The following FNDC1 variants were observed in gnomAD, a reference collection of about 807,000 sequenced individuals.
The protein encoded by FNDC1 is fibronectin type III domain-containing protein 1.
Under a neutral mutation model 168.0 loss-of-function variants are expected in FNDC1, and 96 were observed. That is an observed-to-expected ratio of 0.57 (90% CI 0.48 to 0.68). The LOEUF is 0.68. Ranked by LOEUF, FNDC1 falls within the 30% of genes least tolerant of loss-of-function variation. FNDC1 has a pLI of 0.00. For missense variants in FNDC1, 2,587 were observed against 2,482.1 expected, an observed-to-expected ratio of 1.04 and a Z score of -0.90; for synonymous variants, 1,099 against 1,025.9, an observed-to-expected ratio of 1.07 and a Z score of -1.36.
At chr6:159,261,318 A>T in intron 19 of FNDC1, 49 bp downstream of exon 19, 1 of 1,303,686 alleles carries the variant, frequency 7.7e-7, no homozygotes, top group Non-Finnish European at 1.1e-6. Flanking sequence ...GAGAAAATGA[A>T]ATAAATAATC....
intron 2 of FNDC1, 30 bp downstream of exon 2, chr6:159,197,655 C>A: frequency 6.4e-7 from 1 of 1,573,064 alleles, no homozygotes; most frequent in South Asian, 1.2e-5. Context: ...TGTTCCCAGT[C>A]AGAATTAACT....
In FNDC1 at chr6:159,239,711, C is replaced by A. The variant is rs1349991113; in HGVS notation, c.4375C>A (p.Pro1459Thr). 1 of 1,549,156 alleles carries A rather than the reference C, an allele frequency of 6.5e-7. No homozygotes were observed. The change falls in exon 14 of 23, where the codon CCC (proline) becomes ACC (threonine). Residue 1459 changes from proline (P) to threonine (T), a missense_variant. Coordinates refer to ENST00000297267, the MANE Select transcript of FNDC1 (RefSeq NM_032532.3). The part of the protein sequence containing the change: ...TTMQPTTTTT[P>T]LPTTTTPRPT... ...CATGCAGCCCACCACTACTACGACG[C>A]CCCTGCCTACCACTACAACCCCGAG...
At chr6:159,188,644 C>T (rs1202345217) in intron 1 of FNDC1, among the ~76,000 whole-genome samples, 1 of 151,958 alleles carries the variant, frequency 6.6e-6, no homozygotes, top group Non-Finnish European at 1.5e-5. Context: ...TCCCAAAGTG[C>T]TGGGATTACA....
At chr6:159,206,229 A>G (rs1782484759) in intron 4 of FNDC1, among the ~76,000 whole-genome samples, 1 of 152,264 alleles carries the variant, frequency 6.6e-6, no homozygotes, top group Non-Finnish European at 1.5e-5. Context: ...AAAGCAAGGA[A>G]TTAATTATGA....
At chr6:159,267,486 A>G (rs1777615173) in intron 21 of FNDC1, among the ~76,000 whole-genome samples, 1 of 151,916 alleles carries the variant, frequency 6.6e-6, no homozygotes, top group African/African-American at 2.4e-5. Flanking sequence ...TTCTCCAACT[A>G]TCATAGTTTT....
chr6:159,270,680 G>A (rs961016022), intron 22 of FNDC1, among the ~76,000 whole-genome samples: 11 of 152,350 alleles, frequency 7.2e-5, no homozygotes, highest in African/African-American at 2.2e-4. Flanking sequence ...CTTCAAGGGA[G>A]AAATGGTCAG....
chr6:159,186,120 C>A (rs997895859), intron 1 of FNDC1, among the ~76,000 whole-genome samples: 1 of 152,148 alleles, frequency 6.6e-6, no homozygotes, highest in Non-Finnish European at 1.5e-5. Flanking sequence ...TTGCTGCTTG[C>A]AGTTTATTTT....
At chr6:159,220,621 A>G (rs1782802507) in intron 5 of FNDC1, among the ~76,000 whole-genome samples, 1 of 152,220 alleles carries the variant, frequency 6.6e-6, no homozygotes, top group African/African-American at 2.4e-5. Flanking sequence ...AAAAATAAAA[A>G]AGGTTTTACC....
intron 22 of FNDC1, among the ~76,000 whole-genome samples, chr6:159,268,985 T>C (rs1009910214): frequency 8.4e-5 from 11 of 131,578 alleles, no homozygotes; most frequent in Non-Finnish European, 1.8e-4. Context: ...TATCCATGTA[T>C]CTATTTATCC....
intron 17 of FNDC1, among the ~76,000 whole-genome samples, chr6:159,252,820 C>G (rs139404954): frequency 8.6e-4 from 131 of 152,348 alleles, no homozygotes; most frequent in African/African-American, 2.9e-3. Flanking sequence ...CTTTTGACCT[C>G]TTGCATAACA....
Position 159,239,675 on chromosome 6 carries a change from C to G in FNDC1, c.4339C>G (p.Pro1447Ala). 6.4e-7 allele frequency: 1 copy of G among 1,551,502 alleles called. No homozygotes were observed. Among genetic ancestry groups the G allele is most frequent in the East Asian group, 2.4e-5 (1 of 40,904 alleles). The stretch of plus-strand genomic sequence containing the variant: ...GGTCATCAAAAAAACCACCCATCCC[C>G]CTACCACTACCATGCAGCCCACCAC... The part of the protein sequence containing the change: ...LEVIKKTTHP[P>A]TTTMQPTTTT... The change falls in exon 14 of 23, where the codon CCT becomes GCT. Residue 1447 changes from proline (P) to alanine (A), a missense_variant. Pro to Ala is a conservative substitution (Grantham distance 27, BLOSUM62 -1). Coordinates refer to ENST00000297267, the MANE Select transcript of FNDC1 (RefSeq NM_032532.3).
intron 1 of FNDC1, among the ~76,000 whole-genome samples, chr6:159,189,673 C>T (rs570756047): frequency 9.2e-5 from 14 of 152,314 alleles, no homozygotes; most frequent in African/African-American, 3.4e-4. Context: ...AAGACTCTTC[C>T]CTGGCTGAGG....
chr6:159,195,008 T>G (rs1383043143), intron 1 of FNDC1, among the ~76,000 whole-genome samples: 2 of 152,086 alleles, frequency 1.3e-5, no homozygotes, highest in Admixed American at 1.3e-4. Flanking sequence ...AAGCGTTTTG[T>G]TTAACAGGTC....
At chr6:159,246,123 T>C (rs1562306937) in intron 14 of FNDC1, among the ~76,000 whole-genome samples, 1 of 152,248 alleles carries the variant, frequency 6.6e-6, no homozygotes, top group Non-Finnish European at 1.5e-5. Flanking sequence ...CATCTGAAAT[T>C]TTATATTACA....
At chr6:159,236,109 T>G in intron 11 of FNDC1, 106 bp from the exon 12 acceptor site, 2 of 682,434 alleles carry the variant, frequency 2.9e-6, no homozygotes, top group Middle Eastern at 5.6e-4. Flanking sequence ...TGTTTAGAGC[T>G]TCTATTTGAA....
chr6:159,271,467 TTGCCC>T lies in FNDC1; in HGVS notation c.*31_*35del. 2 of 1,557,064 alleles carry T rather than the reference TTGCCC, an allele frequency of 1.3e-6. No homozygotes were observed. Among genetic ancestry groups the T allele is most frequent in the Non-Finnish European group, 8.8e-7 (1 of 1,139,396 alleles). Reference sequence around the variant, plus strand: ...ATCACAGGACCGTCATGCTGCAAGCTTGCCCTGCCCAGCCCCACCAACTAAGTCGC... The same window carrying T: ...ATCACAGGACCGTCATGCTGCAAGCTTGCCCAGCCCCACCAACTAAGTCGC... On this transcript the variant is annotated 3_prime_UTR_variant, in exon 23 of 23. Coordinates refer to ENST00000297267, the MANE Select transcript of FNDC1 (RefSeq NM_032532.3).
chr6:159,265,888 A>C (rs945504366), intron 20 of FNDC1, among the ~76,000 whole-genome samples, 196 bp from the exon 21 acceptor site: 1 of 152,294 alleles, frequency 6.6e-6, no homozygotes, highest in Non-Finnish European at 1.5e-5. Context: ...AGATCGTGCC[A>C]CTGCACTCCA....
In FNDC1 at chr6:159,271,565, A is replaced by T; in HGVS notation, c.*123A>T. The T allele has an allele frequency of 1.5e-6, 1 of 678,178 alleles. No homozygotes were observed. The highest frequency in any genetic ancestry group is 2.2e-5 in the Admixed American group (1 of 45,182). 42.0% of individuals were successfully genotyped at this position (678,178 alleles called of 1,614,324 possible). A position where few individuals can be genotyped will look rare whatever the true frequency, so the allele number is the denominator to read the frequency against. ...CTGCCCTAGGTGCCAGGAAGGTCAT[A>T]GATGGACACTGGCCATTCTGGTCAT... On this transcript the variant is annotated 3_prime_UTR_variant, in exon 23 of 23. Transcript: ENST00000297267.
rs772065395 is a variant in FNDC1 at position 159,271,489 on chromosome 6, C to A, written c.*47C>A. ...AGCTTGCCCTGCCCAGCCCCACCAA[C>A]TAAGTCGCACTAGGGGCTGTGAGCA... On this transcript the variant is annotated 3_prime_UTR_variant, in exon 23 of 23. Transcript: ENST00000297267. The A allele has an allele frequency of 7.1e-6, 10 of 1,400,394 alleles. No homozygotes were observed. The South Asian group carries it at 9.8e-5, about 14-fold the overall frequency. 86.7% of individuals were successfully genotyped at this position (1,400,394 alleles called of 1,614,324 possible).
Sources: allele counts gnomAD v4.1 joint callset (sites outside exome capture counted in the v4.1 genomes callset), GRCh38; gene constraint gnomAD v4.1.1; transcripts MANE v1.5; gene names NCBI Gene and HGNC (gene_info 2026-07-23, HGNC 2026-07-21).